VANGL1: variants seen among roughly 807,000 people sequenced by gnomAD.
VANGL1 encodes VANGL planar cell polarity protein 1.
In VANGL1, 18 loss-of-function variants were observed where a neutral mutation model predicts 48.4. That is an observed-to-expected ratio of 0.37 (90% confidence interval 0.26 to 0.55). The LOEUF is 0.55. VANGL1 is among the 20% of genes least tolerant of loss of function. The pLI is 0.81. For missense variants in VANGL1, 667 were observed against 675.8 expected (o/e 0.99, Z 0.14); for synonymous variants, 257 against 261.8 (o/e 0.98, Z 0.18).
intron 4 of VANGL1, among the ~76,000 whole-genome samples, chr1:115,679,051 A>G (rs993777422): frequency 6.6e-6 from 1 of 152,254 alleles, no homozygotes; most frequent in African/African-American, 2.4e-5. Flanking sequence ...TTATTTAGTT[A>G]CTTGGAAATT....
In VANGL1 at chr1:115,659,760, C is replaced by T. The variant is rs1210249335; in HGVS notation, c.191C>T (p.Thr64Ile). 5 of 1,614,140 alleles carry T rather than the reference C, an allele frequency of 3.1e-6. No individual in the cohort carries two copies. In the South Asian group the frequency reaches 5.5e-5, roughly 18 times the overall value. The change falls in exon 3 of 8, where the codon ACA becomes ATA. Residue 64 changes from threonine (T) to isoleucine (I), a missense_variant. Physicochemically the swap from Thr to Ile is moderately conservative, Grantham distance 89. Coordinates refer to ENST00000355485, the MANE Select transcript of VANGL1 (RefSeq NM_138959.3). ...EPLLGNDSTR[T>I]EEVQDDNWGE... ...CTGTTGGGAAATGATTCTACTCGGACAGAGGAAGTTCAGGTAAGGATCAAA... is the reference window on the plus strand; with the variant it reads ...CTGTTGGGAAATGATTCTACTCGGATAGAGGAAGTTCAGGTAAGGATCAAA...
chr1:115,678,480 C>A (rs1653251112), intron 4 of VANGL1, among the ~76,000 whole-genome samples: 1 of 152,186 alleles, frequency 6.6e-6, no homozygotes, highest in Non-Finnish European at 1.5e-5. Context: ...AAAACAGCCT[C>A]ACCTATTCAC....
At chr1:115,642,393 C>T (rs1215824886) in intron 1 of VANGL1, among the ~76,000 whole-genome samples, 1 of 152,090 alleles carries the variant, frequency 6.6e-6, no homozygotes, top group Non-Finnish European at 1.5e-5. Flanking sequence ...CTGCTCACAC[C>T]TCGGACGTCC....
rs779704708 is a variant in VANGL1 at position 115,664,040 on chromosome 1, T to C, written c.584T>C (p.Leu195Pro). The change falls in exon 4 of 8, where the codon CTC (leucine) becomes CCC (proline). Residue 195 changes from leucine (L) to proline (P), a missense_variant. Transcript: ENST00000355485. ...GCCCTTTTGTTGGTCCTCATCTTTC[T>C]CTTTGTGGTTTCCTATTGGCTTTTT... ...FRALLLVLIF[L>P]FVVSYWLFYG... is the part of the protein sequence containing the mutation. The C allele has an allele frequency of 1.2e-6, 2 of 1,614,204 alleles. No individual in the cohort carries two copies. Among genetic ancestry groups the C allele is most frequent in the Non-Finnish European group, 1.7e-6 (2 of 1,180,040 alleles).
In VANGL1 at chr1:115,693,568, G is replaced by A. The variant is rs1047395708; in HGVS notation, c.*2189G>A. On this transcript the variant is annotated 3_prime_UTR_variant, in exon 8 of 8. Transcript: ENST00000355485. ...TCCTCTTTCTCCCAGTCTTTGCATAGGAGAATGTTAGACATTCAGAAATTA... is the reference window on the plus strand; with the variant it reads ...TCCTCTTTCTCCCAGTCTTTGCATAAGAGAATGTTAGACATTCAGAAATTA... 6.6e-6 allele frequency: 1 copy of A among 152,172 alleles called. No homozygotes were observed. Among genetic ancestry groups the A allele is most frequent in the African/African-American group, 2.4e-5 (1 of 41,426 alleles). The allele number at this position is 152,172 out of a possible 1,614,324, so 9.4% of individuals were successfully genotyped here. A position where few individuals can be genotyped will look rare whatever the true frequency, so the allele number is the denominator to read the frequency against.
At chr1:115,680,855 G>A (rs1653357536) in intron 4 of VANGL1, among the ~76,000 whole-genome samples, 1 of 152,202 alleles carries the variant, frequency 6.6e-6, no homozygotes, top group Non-Finnish European at 1.5e-5. Context: ...GAATCAAAGG[G>A]AGCCCCATCC....
At chr1:115,674,946 CTGTG>C (rs35517432) in intron 4 of VANGL1, among the ~76,000 whole-genome samples, 1 of 151,572 alleles carries the variant, frequency 6.6e-6, no homozygotes, top group African/African-American at 2.4e-5. Flanking sequence ...ATGTGTACGT[CTGTG>C]TGTGTGTGTG....
rs1315862982 is a variant in VANGL1 at position 115,693,155 on chromosome 1, T to C, written c.*1776T>C. On this transcript the variant is annotated 3_prime_UTR_variant, in exon 8 of 8. Coordinates refer to ENST00000355485, the MANE Select transcript of VANGL1 (RefSeq NM_138959.3). ...GGAGCCAAGATGTACTATTCAACTA[T>C]GTGTTTCTGTTTATAAAAAACACAT... The C allele has an allele frequency of 6.6e-6, 1 of 152,670 alleles. No homozygotes were observed. The highest frequency in any genetic ancestry group is 1.9e-4 in the East Asian group (1 of 5,198). The allele number at this position is 152,670 out of a possible 1,614,324, so 9.5% of individuals were successfully genotyped here. A position where few individuals can be genotyped will look rare whatever the true frequency, so the allele number is the denominator to read the frequency against.
rs1232620178 is a variant in VANGL1, at chr1:115,664,283, C to G, written c.812+15C>G. On this transcript the variant is annotated intron_variant, in intron 4 of 7. Coordinates refer to ENST00000355485, the MANE Select transcript of VANGL1 (RefSeq NM_138959.3). ...GGACACCTGAGGTAAGAGGCAACAT[C>G]CAGGAGGCAGAAAGGATGGCTGATG... 1 of 1,612,630 alleles carries G rather than the reference C, an allele frequency of 6.2e-7. No individual in the cohort carries two copies. Among genetic ancestry groups the G allele is most frequent in the Admixed American group, 1.7e-5 (1 of 59,948 alleles).
chr1:115,685,266 A>G, intron 6 of VANGL1, 27 bp from the exon 7 acceptor site: 1 of 1,612,212 alleles, frequency 6.2e-7, no homozygotes, highest in Non-Finnish European at 8.5e-7. Context: ...CACCATCCTG[A>G]TTACTTAGTG....
rs542037158 is a variant in VANGL1, at chr1:115,648,366, G to A, written c.-137-2911G>A. ...TGGACTGAAAGTGGAGAAGGAGGGA[G>A]TGACAGCATGTATAGACCACTCCTT... On this transcript the variant is annotated intron_variant, in intron 1 of 7. Coordinates refer to ENST00000355485, the MANE Select transcript of VANGL1 (RefSeq NM_138959.3). 3.9e-5 allele frequency among the ~76,000 whole-genome samples: 6 copies of A among 152,292 alleles called. No individual in the cohort carries two copies. In the East Asian group the frequency reaches 9.6e-4, roughly 24 times the overall value.
chr1:115,652,320 C>T (rs1402122141), intron 2 of VANGL1, among the ~76,000 whole-genome samples: 1 of 152,114 alleles, frequency 6.6e-6, no homozygotes, highest in Non-Finnish European at 1.5e-5. Flanking sequence ...TGTTACTGAC[C>T]TGTAGAATGT....
intron 4 of VANGL1, among the ~76,000 whole-genome samples, chr1:115,679,781 A>G (rs765206835): frequency 4.7e-4 from 72 of 152,300 alleles, no homozygotes; most frequent in Non-Finnish European, 8.5e-4. Flanking sequence ...AATTTAGATC[A>G]GGGTAATGCT....
At chr1:115,675,854 CTT>C (rs1217722479) in intron 4 of VANGL1, among the ~76,000 whole-genome samples, 5 of 152,070 alleles carry the variant, frequency 3.3e-5, no homozygotes, top group African/African-American at 1.2e-4. Flanking sequence ...CTGATGGACT[CTT>C]GATTTCTCTG....
intron 3 of VANGL1, among the ~76,000 whole-genome samples, chr1:115,662,236 T>C (rs1218001757): frequency 6.6e-6 from 1 of 152,198 alleles, no homozygotes; most frequent in Non-Finnish European, 1.5e-5. Flanking sequence ...TTTTGGTCAT[T>C]ACTAGATTCG....
At chr1:115,677,609 C>T (rs187376998) in intron 4 of VANGL1, among the ~76,000 whole-genome samples, 20 of 152,296 alleles carry the variant, frequency 1.3e-4, no homozygotes, top group African/African-American at 4.8e-4. Context: ...CTGTTTTCCA[C>T]AAATCTATGT....
intron 7 of VANGL1, among the ~76,000 whole-genome samples, chr1:115,688,775 A>G (rs1200677723): frequency 7.5e-6 from 1 of 133,938 alleles, no homozygotes; most frequent in Non-Finnish European, 1.6e-5. Context: ...TAATTCTTCT[A>G]ATTTATATTT....
In VANGL1 at chr1:115,658,847, C is replaced by CTT. The variant is rs1212947481; in HGVS notation, c.72-793_72-792dup. On this transcript the variant is annotated intron_variant, in intron 2 of 7. Transcript: ENST00000355485. Reference sequence around the variant, plus strand: ...TCATGAGTGACCCCCAGGCAGGGTTCTTACAATCACGCTGGAAGACCACCC... The same window carrying CTT: ...TCATGAGTGACCCCCAGGCAGGGTTCTTTTACAATCACGCTGGAAGACCACCC... Among the ~76,000 whole-genome samples the CTT allele has an allele frequency of 3.3e-5, 5 of 152,220 alleles. No homozygotes were observed. The East Asian group carries it at 9.7e-4, about 29-fold the overall frequency.
intron 1 of VANGL1, among the ~76,000 whole-genome samples, chr1:115,650,542 C>T (rs1164036457): frequency 1.3e-5 from 2 of 152,126 alleles, no homozygotes; most frequent in African/African-American, 2.4e-5. Flanking sequence ...CAATTTTATA[C>T]AATTGTAACT....
Sources: gnomAD v4.1 joint callset for allele counts (sites outside exome capture counted in the v4.1 genomes callset) on GRCh38, gnomAD v4.1.1 for gene constraint, MANE v1.5 for transcripts, NCBI Gene and HGNC (gene_info 2026-07-23, HGNC 2026-07-21) for gene names.